FBN3: variants seen among roughly 807,000 people sequenced by gnomAD.
The protein encoded by FBN3 is fibrillin 3, also known as fibrillin-3.
Under a neutral mutation model 330.1 loss-of-function variants are expected in FBN3, and 234 were observed. The ratio of observed to expected loss-of-function variants is 0.71; its 90% CI spans 0.64 to 0.79. FBN3 has a LOEUF of 0.79. Ranked by LOEUF, FBN3 falls within the 30% of genes least tolerant of loss-of-function variation. The pLI is 0.00. For synonymous variants in FBN3, 1,458 were observed against 1,517.3 expected, an observed-to-expected ratio of 0.96 and a Z score of 0.91; for missense variants, 3,606 against 3,886.9, an observed-to-expected ratio of 0.93 and a Z score of 1.92.
rs576786309 is a variant in FBN3 at position 8,098,991 on chromosome 19, A to G, written c.5162-1577T>C. 8.5e-5 allele frequency among the ~76,000 whole-genome samples: 13 copies of G among 152,282 alleles called. No individual in the cohort carries two copies. In the East Asian group the frequency reaches 2.5e-3, roughly 29 times the overall value. Reference sequence around the variant, plus strand: ...CATGAAACACTTTTAGGCAGGGCAAAGAGAGAGGCTGCACAGCAGATAGTA... The same window carrying G: ...CATGAAACACTTTTAGGCAGGGCAAGGAGAGAGGCTGCACAGCAGATAGTA... On this transcript the variant is annotated intron_variant, in intron 41 of 63. Coordinates refer to ENST00000600128, the MANE Select transcript of FBN3 (RefSeq NM_032447.5).
At chr19:8,090,783 C>T (rs2082080397) in intron 48 of FBN3, among the ~76,000 whole-genome samples, 1 of 152,158 alleles carries the variant, frequency 6.6e-6, no homozygotes, top group African/African-American at 2.4e-5. Flanking sequence ...CGCCCCTGGC[C>T]TGCCCTGGGG....
Position 8,102,838 on chromosome 19 carries a change from C to T in FBN3, c.4975G>A (p.Gly1659Ser), listed in dbSNP as rs762602961. The change falls in exon 40 of 64, where the codon GGC becomes AGC. Residue 1659 changes from glycine (G) to serine (S), a missense_variant. By Grantham distance (56) the Gly-to-Ser change is moderately conservative. Coordinates refer to ENST00000600128, the MANE Select transcript of FBN3 (RefSeq NM_032447.5). Reference protein sequence around the residue: ...RKSVCFRHYNGTCQNELAFNV... With the variant: ...RKSVCFRHYNSTCQNELAFNV... The stretch of plus-strand genomic sequence containing the variant: ...AAGGCCAGCTCATTTTGACATGTGC[C>T]GTTATAGTGCCGGAAGCAGACACTC... The T allele has an allele frequency of 5.5e-5, 89 of 1,613,906 alleles. No individual in the cohort carries two copies. Among genetic ancestry groups the T allele is most frequent in the South Asian group, 2.1e-4 (19 of 91,080 alleles).
chr19:8,123,772 C>T lies in FBN3; in HGVS notation c.2956+12G>A, dbSNP rs764474957. The T allele has an allele frequency of 3.1e-6, 5 of 1,612,620 alleles. No homozygotes were observed. In the Admixed American group the frequency reaches 8.3e-5, roughly 27 times the overall value. On this transcript the variant is annotated intron_variant, in intron 23 of 63. Coordinates refer to ENST00000600128, the MANE Select transcript of FBN3 (RefSeq NM_032447.5). ...CATCCTTCCAGGGGCCTGACCCCTT[C>T]CCCAACCGCACCTTTATAGAATGGT...
At chr19:8,081,307 C>CCCT in intron 58 of FBN3, 51 bp downstream of exon 58, 1 of 1,566,716 alleles carries the variant, frequency 6.4e-7, no homozygotes, top group Non-Finnish European at 8.7e-7. Flanking sequence ...CCCTTTGGGG[C>CCCT]CCTAGACTGC....
intron 59 of FBN3, among the ~76,000 whole-genome samples, chr19:8,076,247 C>CGCGTGTGT (rs1555724953): frequency 4.9e-4 from 72 of 147,754 alleles, no homozygotes; most frequent in Admixed American, 1.8e-3. Context: ...TGTCCGTGTG[C>CGCGTGTGT]GTGTGTGTGT....
rs960650765 is a variant in FBN3 at position 8,126,034 on chromosome 19, G to A, written c.2606-17C>T. 3.7e-6 allele frequency: 6 copies of A among 1,613,704 alleles called. No individual in the cohort carries two copies. Among genetic ancestry groups the A allele is most frequent in the Non-Finnish European group, 5.1e-6 (6 of 1,179,984 alleles). On this transcript the variant is annotated splice_polypyrimidine_tract_variant and intron_variant, in intron 21 of 63. Transcript: ENST00000600128. ...CGTTCACATCTGGGTAAGGAGGAGG[G>A]AAAGCCGGAGGGTCCAGGGAGGGGA...
chr19:8,116,733 C>A lies in FBN3; in HGVS notation c.3653G>T (p.Gly1218Val), dbSNP rs777808580. Reference protein sequence around the residue: ...DQGHCTNMPGGHRCLCYDGFM... With the variant: ...DQGHCTNMPGVHRCLCYDGFM... ...GCCATCATAGCACAGGCAGCGGTGACCCCCTGGCATGTTGGTGCAGTGGCC... is the reference window on the plus strand; with the variant it reads ...GCCATCATAGCACAGGCAGCGGTGAACCCCTGGCATGTTGGTGCAGTGGCC... The change falls in exon 29 of 64, where the codon GGT becomes GTT. Residue 1218 changes from glycine (G) to valine (V), a missense_variant. By Grantham distance (109) the Gly-to-Val change is moderately radical (BLOSUM62 -3). Coordinates refer to ENST00000600128, the MANE Select transcript of FBN3 (RefSeq NM_032447.5). 6.2e-7 allele frequency: 1 copy of A among 1,613,694 alleles called. No individual in the cohort carries two copies.
In FBN3 at chr19:8,133,007, G is replaced by A. The variant is rs768684359; in HGVS notation, c.1691C>T (p.Ala564Val). ...SCLCKPGFLLAPGGHYCMDID... is the reference protein window; with the variant it reads ...SCLCKPGFLLVPGGHYCMDID... ...ACCCATGCAGTAGTGGCCGCCAGGC[G>A]CCAGCAGGAAGCCGGGTTTGCAGAG... The change falls in exon 14 of 64, where the codon GCG (alanine) becomes GTG (valine). Residue 564 changes from alanine (A) to valine (V), a missense_variant. Physicochemically the swap from Ala to Val is moderately conservative, Grantham distance 64 (BLOSUM62 0). Coordinates refer to ENST00000600128, the MANE Select transcript of FBN3 (RefSeq NM_032447.5). 19 of 1,573,456 alleles carry A rather than the reference G, an allele frequency of 1.2e-5. No individual in the cohort carries two copies. Among genetic ancestry groups the A allele is most frequent in the Admixed American group, 3.7e-5 (2 of 53,906 alleles).
In FBN3 at chr19:8,118,978, T is replaced by A. The variant is rs1804639780; in HGVS notation, c.3256A>T (p.Thr1086Ser). The A allele has an allele frequency of 6.2e-7, 1 of 1,611,676 alleles. No individual in the cohort carries two copies. Among genetic ancestry groups the A allele is most frequent in the Admixed American group, 1.7e-5 (1 of 59,964 alleles). Residue 1086 changes from threonine to serine, a missense_variant, in exon 26 of 64, where the codon ACT becomes TCT. By Grantham distance (58) the Thr-to-Ser change is moderately conservative (BLOSUM62 1). Coordinates refer to ENST00000600128, the MANE Select transcript of FBN3 (RefSeq NM_032447.5). ...ARDPLLCRGG[T>S]CTNTDGSYKC... ...TAGCTCCCATCCGTGTTGGTGCAAG[T>A]GCCTCCCCGGCAGAGCAGCGGGTCC...
chr19:8,119,883 C>T (rs1369260351), intron 25 of FBN3, among the ~76,000 whole-genome samples: 6 of 140,440 alleles, frequency 4.3e-5, no homozygotes, highest in Non-Finnish European at 9.0e-5. Flanking sequence ...TGCAGTGACA[C>T]GATCACAGCT....
intron 18 of FBN3, among the ~76,000 whole-genome samples, chr19:8,128,818 G>A (rs1318342229): frequency 3.3e-5 from 5 of 152,120 alleles, no homozygotes; most frequent in African/African-American, 1.2e-4. Flanking sequence ...GTGTGCATGT[G>A]TGTCTTGTGT....
intron 59 of FBN3, among the ~76,000 whole-genome samples, chr19:8,078,338 A>C (rs1280763896): frequency 6.6e-6 from 1 of 152,198 alleles, no homozygotes; most frequent in African/African-American, 2.4e-5. Flanking sequence ...GGTAGAGTCC[A>C]ATCGTGGCGA....
rs1242575957 is a variant in FBN3 at position 8,147,193 on chromosome 19, G to A, written c.168-7C>T. On this transcript the variant is annotated splice_region_variant and splice_polypyrimidine_tract_variant and intron_variant, in intron 2 of 63. Coordinates refer to ENST00000600128, the MANE Select transcript of FBN3 (RefSeq NM_032447.5). ...GGAGCCGCACACATTCGGCCTTCGGGGACAGCGAGATGGGTCTGGTGAGCC... is the reference window on the plus strand; with the variant it reads ...GGAGCCGCACACATTCGGCCTTCGGAGACAGCGAGATGGGTCTGGTGAGCC... 2 of 1,564,620 alleles carry A rather than the reference G, an allele frequency of 1.3e-6. No individual in the cohort carries two copies. The highest frequency in any genetic ancestry group is 2.4e-5 in the East Asian group (1 of 42,162).
chr19:8,119,756 C>G (rs964290309), intron 25 of FBN3, among the ~76,000 whole-genome samples: 2 of 149,774 alleles, frequency 1.3e-5, no homozygotes, highest in African/African-American at 4.9e-5. Context: ...TCAAGTGATT[C>G]ACCTGCCTCA....
chr19:8,140,051 A>G (rs1190905530), intron 8 of FBN3, among the ~76,000 whole-genome samples: 5 of 152,170 alleles, frequency 3.3e-5, no homozygotes. Context: ...AGAGATCAAC[A>G]GACTCCTCCA....
chr19:8,122,885 G>C (rs372275295), intron 24 of FBN3, among the ~76,000 whole-genome samples: 8 of 149,252 alleles, frequency 5.4e-5, no homozygotes, highest in Admixed American at 4.7e-4. Flanking sequence ...GGATGGTCTC[G>C]ATCTCCTGAC....
At position 8,097,279 on chromosome 19, in the gene FBN3, G is replaced by T; in HGVS notation, c.5287+10C>A. On this transcript the variant is annotated intron_variant, in intron 42 of 63. Transcript: ENST00000600128. ...CAGGCCCCAGGGCTGGGAACAGGGA[G>T]AGGTGGCACCTTCACAAGCCAGCAG... 6.2e-7 allele frequency: 1 copy of T among 1,600,658 alleles called. No homozygotes were observed. Among genetic ancestry groups the T allele is most frequent in the Non-Finnish European group, 8.5e-7 (1 of 1,170,142 alleles).
intron 63 of FBN3, among the ~76,000 whole-genome samples, chr19:8,067,090 T>C (rs1319685080): frequency 1.3e-5 from 2 of 152,020 alleles, no homozygotes; most frequent in African/African-American, 4.8e-5. Flanking sequence ...GGCAGGAGGA[T>C]TGCTTGAGGA....
chr19:8,099,020 T>C (rs974941620), intron 41 of FBN3, among the ~76,000 whole-genome samples: 1 of 152,174 alleles, frequency 6.6e-6, no homozygotes, highest in Admixed American at 6.5e-5. Context: ...GATAGTAACC[T>C]GGCCGGTTCT....
Sources: gnomAD v4.1 joint callset for allele counts (sites outside exome capture counted in the v4.1 genomes callset) on GRCh38, gnomAD v4.1.1 for gene constraint, MANE v1.5 for transcripts, NCBI Gene and HGNC (gene_info 2026-07-23, HGNC 2026-07-21) for gene names.